TPD52: variants seen among roughly 807,000 people sequenced by gnomAD.
TPD52 encodes tumor protein D52, also known as prostate and colon associated protein.
Under a neutral mutation model 31.3 loss-of-function variants are expected in TPD52, and 17 were observed. The observed-to-expected ratio is 0.54, with a 90% CI of 0.37 to 0.82. TPD52 has a LOEUF of 0.82. Among genes scored for constraint, TPD52 ranks in the 40% least tolerant of loss-of-function variants. TPD52 has a pLI of 0.00. For synonymous variants in TPD52, 83 were observed against 89.6 expected (o/e 0.93, Z 0.42); for missense variants, 212 against 240.1 (o/e 0.88, Z 0.77).
At chr8:80,104,217 T>C (rs1364050076) in intron 1 of TPD52, among the ~76,000 whole-genome samples, 2 of 152,184 alleles carry the variant, frequency 1.3e-5, no homozygotes, top group Non-Finnish European at 2.9e-5. Flanking sequence ...TCAAGCTAGA[T>C]TTATCCAAGT....
chr8:80,128,241 T>C (rs1808767331), intron 1 of TPD52, among the ~76,000 whole-genome samples: 1 of 152,054 alleles, frequency 6.6e-6, no homozygotes, highest in Admixed American at 6.6e-5. Context: ...ATTTTTACTT[T>C]TATTCATAGA....
At position 80,051,166 on chromosome 8, in the gene TPD52, G is replaced by A. The variant is rs935404308; in HGVS notation, c.386+361C>T. The A allele has an allele frequency of 2.6e-5, 7 of 266,792 alleles. 1 individual carries two copies. Among genetic ancestry groups the A allele is most frequent in the South Asian group, 1.2e-4 (2 of 17,178 alleles). The allele number at this position is 266,792 out of a possible 1,614,324, so 16.5% of individuals were successfully genotyped here. A position where few individuals can be genotyped will look rare whatever the true frequency, so the allele number is the denominator to read the frequency against. ...CGTGAAGCCAAATCTGAATCGAAGC[G>A]TGCACTTCAGTGCTCCTGTAGTCAT... On this transcript the variant is annotated intron_variant, in intron 4 of 7. Coordinates refer to ENST00000518937, the MANE Select transcript of TPD52 (RefSeq NM_001025253.3).
intron 1 of TPD52, among the ~76,000 whole-genome samples, chr8:80,117,436 T>C (rs1294551831): frequency 6.6e-6 from 1 of 152,174 alleles, no homozygotes; most frequent in Admixed American, 6.5e-5. Flanking sequence ...ATTTATACTT[T>C]GAAAACTACA....
At chr8:80,069,673 G>A (rs1813551234) in intron 1 of TPD52, among the ~76,000 whole-genome samples, 1 of 123,616 alleles carries the variant, frequency 8.1e-6, no homozygotes, top group South Asian at 2.4e-4. Flanking sequence ...TTATGATAAA[G>A]CAGGTTTTTT....
chr8:80,170,198 T>C (rs143306547), intron 1 of TPD52, among the ~76,000 whole-genome samples: 131 of 152,284 alleles, frequency 8.6e-4, no homozygotes, highest in African/African-American at 3.1e-3. Context: ...GTGGATCACC[T>C]GAGGTCAGGA....
intron 1 of TPD52, among the ~76,000 whole-genome samples, chr8:80,157,743 A>G (rs952474312): frequency 4.6e-5 from 7 of 152,358 alleles, no homozygotes; most frequent in Admixed American, 1.3e-4. Flanking sequence ...TTCTCTGGCT[A>G]TCATACCACC....
intron 1 of TPD52, chr8:80,064,993 T>C: frequency 2.7e-6 from 1 of 363,862 alleles, no homozygotes; most frequent in Non-Finnish European, 5.3e-6. Flanking sequence ...AGTTTGCATA[T>C]CTCTTCAGCT....
intron 1 of TPD52, among the ~76,000 whole-genome samples, chr8:80,133,856 C>G (rs1323037699): frequency 6.6e-6 from 1 of 151,636 alleles, no homozygotes; most frequent in Admixed American, 6.6e-5. Context: ...ATTCAAAACA[C>G]CCCAAGGAAG....
At chr8:80,077,651 C>G (rs1340627219) in intron 1 of TPD52, among the ~76,000 whole-genome samples, 1 of 152,214 alleles carries the variant, frequency 6.6e-6, no homozygotes, top group Non-Finnish European at 1.5e-5. Context: ...CCTAACTAAA[C>G]TTTGTGAGTT....
At chr8:80,141,691 C>T (rs999674597) in intron 1 of TPD52, among the ~76,000 whole-genome samples, 1 of 152,174 alleles carries the variant, frequency 6.6e-6, no homozygotes, top group Admixed American at 6.5e-5. Context: ...GTGGGCAGAA[C>T]ACAAGGTCAG....
chr8:80,051,818 C>A, intron 3 of TPD52, 190 bp from the exon 4 acceptor site: 1 of 532,444 alleles, frequency 1.9e-6, no homozygotes, highest in South Asian at 2.7e-5. Context: ...CAACCCTAAG[C>A]TCAGGCACAA....
At chr8:80,073,910 A>T (rs890130602) in intron 1 of TPD52, among the ~76,000 whole-genome samples, 1 of 152,234 alleles carries the variant, frequency 6.6e-6, no homozygotes, top group Non-Finnish European at 1.5e-5. Flanking sequence ...GTGTGCAGTC[A>T]AAAGTACCAT....
chr8:80,067,767 C>T (rs1813319925), intron 1 of TPD52, among the ~76,000 whole-genome samples: 1 of 151,412 alleles, frequency 6.6e-6, no homozygotes, highest in African/African-American at 2.4e-5. Flanking sequence ...AATAATAAGA[C>T]CCTAAAAAGT....
At chr8:80,123,933 A>G (rs545299666) in intron 1 of TPD52, among the ~76,000 whole-genome samples, 2 of 152,278 alleles carry the variant, frequency 1.3e-5, no homozygotes, top group East Asian at 3.9e-4. Context: ...TCTAGTAAGG[A>G]AGGAAAGGCA....
chr8:80,111,953 T>C (rs1807526076), intron 1 of TPD52, among the ~76,000 whole-genome samples: 1 of 152,250 alleles, frequency 6.6e-6, no homozygotes, highest in Non-Finnish European at 1.5e-5. Context: ...ACAGTGGCAT[T>C]TGTTGCTAAA....
intron 1 of TPD52, among the ~76,000 whole-genome samples, chr8:80,160,581 T>A (rs1284742462): frequency 1.3e-5 from 2 of 152,056 alleles, no homozygotes; most frequent in Non-Finnish European, 2.9e-5. Flanking sequence ...GCAGGCAAAA[T>A]GTTTGCATTT....
At chr8:80,117,820 C>T (rs1426787495) in intron 1 of TPD52, among the ~76,000 whole-genome samples, 8 of 150,656 alleles carry the variant, frequency 5.3e-5, no homozygotes, top group Non-Finnish European at 1.0e-4. Context: ...GCAACCTCCA[C>T]CTCCCAGGTT....
At chr8:80,039,747 T>TC (rs755424243) in intron 7 of TPD52, among the ~76,000 whole-genome samples, 1 of 151,920 alleles carries the variant, frequency 6.6e-6, no homozygotes, top group Non-Finnish European at 1.5e-5. Flanking sequence ...TTCTTGGTGG[T>TC]CCTCAAAAGG....
intron 2 of TPD52, 43 bp downstream of exon 2, chr8:80,064,435 T>C: frequency 6.8e-7 from 1 of 1,463,700 alleles, no homozygotes; most frequent in Non-Finnish European, 9.6e-7. Flanking sequence ...TGACAGTACA[T>C]TTTAAGTGCA....
Sources: allele counts gnomAD v4.1 joint callset (sites outside exome capture counted in the v4.1 genomes callset), GRCh38; gene constraint gnomAD v4.1.1; transcripts MANE v1.5; gene names NCBI Gene and HGNC (gene_info 2026-07-23, HGNC 2026-07-21).